The following SMAD2 variants were observed in gnomAD, a reference collection of about 807,000 sequenced individuals.
The protein encoded by SMAD2 is SMAD family member 2, also known as MAD homolog 2.
Under a neutral mutation model 64.4 loss-of-function variants are expected in SMAD2, and 8 were observed. That is an observed-to-expected ratio of 0.12 (90% CI 0.07 to 0.22). The LOEUF is 0.22. SMAD2 is among the 10% of genes least tolerant of loss of function. The pLI is 1.00. For synonymous variants in SMAD2, 203 were observed against 195.8 expected, an observed-to-expected ratio of 1.04 and a Z score of -0.31; for missense variants, 289 against 561.2, an observed-to-expected ratio of 0.51 and a Z score of 4.90.
Position 47,819,508 on chromosome 18 carries a change from T to C in SMAD2, c.*22319A>G, listed in dbSNP as rs1332737385. ...GTTTTTATAAGTAATCTAGGAATAA[T>C]TGTTAAAAATGAATTGGGGGCCAGG... On this transcript the variant is annotated 3_prime_UTR_variant, in exon 11 of 11. Transcript: ENST00000262160. 6.6e-6 allele frequency: 1 copy of C among 152,170 alleles called. No homozygotes were observed. Among genetic ancestry groups the C allele is most frequent in the Non-Finnish European group, 1.5e-5 (1 of 68,048 alleles). The allele number at this position is 152,170 out of a possible 1,614,324, so 9.4% of individuals were successfully genotyped here. A position where few individuals can be genotyped will look rare whatever the true frequency, so the allele number is the denominator to read the frequency against.
In SMAD2 at chr18:47,930,411, C is replaced by G. The variant is rs564076826; in HGVS notation, c.-104G>C. On this transcript the variant is annotated 5_prime_UTR_variant, in exon 1 of 11. Coordinates refer to ENST00000262160, the MANE Select transcript of SMAD2 (RefSeq NM_005901.6). ...CCGTCAGATCCGGGGGGTCCGGGAC[C>G]TTTTGTTCCTTCCTCTTCCGATGGG... The G allele has an allele frequency of 1.8e-4, 28 of 152,320 alleles. No individual in the cohort carries two copies. The highest frequency in any genetic ancestry group is 6.5e-4 in the African/African-American group (27 of 41,536). The allele number at this position is 152,320 out of a possible 1,614,324, so 9.4% of individuals were successfully genotyped here. A position where few individuals can be genotyped will look rare whatever the true frequency, so the allele number is the denominator to read the frequency against.
chr18:47,904,900 C>T (rs1426737450), intron 1 of SMAD2, among the ~76,000 whole-genome samples: 1 of 152,152 alleles, frequency 6.6e-6, no homozygotes, highest in Non-Finnish European at 1.5e-5. Flanking sequence ...CTATGAAAAA[C>T]CTAGAGCTAG....
Position 47,833,837 on chromosome 18 carries a change from G to C in SMAD2, c.*7990C>G, listed in dbSNP as rs924439115. ...TCAAAGGCCATGTATTTCCTCACAA[G>C]AAAAGAAATCTGCAACAATTGGTTT... On this transcript the variant is annotated 3_prime_UTR_variant, in exon 11 of 11. Transcript: ENST00000262160. The C allele has an allele frequency of 3.0e-5, 7 of 230,508 alleles. No individual in the cohort carries two copies. The highest frequency in any genetic ancestry group is 1.5e-4 in the African/African-American group (7 of 45,180). The allele number at this position is 230,508 out of a possible 1,614,324, so 14.3% of individuals were successfully genotyped here. A position where few individuals can be genotyped will look rare whatever the true frequency, so the allele number is the denominator to read the frequency against.
At position 47,816,279 on chromosome 18, in the gene SMAD2, A is replaced by C. The variant is rs1912363494; in HGVS notation, c.*25548T>G. 2 of 152,220 alleles carry C rather than the reference A, an allele frequency of 1.3e-5. No homozygotes were observed. The highest frequency in any genetic ancestry group is 4.8e-5 in the African/African-American group (2 of 41,446). The allele number at this position is 152,220 out of a possible 1,614,324, so 9.4% of individuals were successfully genotyped here. On this transcript the variant is annotated 3_prime_UTR_variant, in exon 11 of 11. Coordinates refer to ENST00000262160, the MANE Select transcript of SMAD2 (RefSeq NM_005901.6). ...AGAAGTTTTAGGTCTTATGAAAAAA[A>C]GATTTTTATAAATTATACACAATTG...
rs1323784686 is a variant in SMAD2 at position 47,818,823 on chromosome 18, A to G, written c.*23004T>C. The stretch of plus-strand genomic sequence containing the variant: ...CCAAAACTTTTGGTTCACAGCTTTC[A>G]TAAGATTACCTATTCTGCATGTTTA... On this transcript the variant is annotated 3_prime_UTR_variant, in exon 11 of 11. Coordinates refer to ENST00000262160, the MANE Select transcript of SMAD2 (RefSeq NM_005901.6). 4 of 152,264 alleles carry G rather than the reference A, an allele frequency of 2.6e-5. No homozygotes were observed. Among genetic ancestry groups the G allele is most frequent in the African/African-American group, 4.8e-5 (2 of 41,472 alleles). 9.4% of individuals were successfully genotyped at this position (152,264 alleles called of 1,614,324 possible). A position where few individuals can be genotyped will look rare whatever the true frequency, so the allele number is the denominator to read the frequency against.
At position 47,868,426 on chromosome 18, in the gene SMAD2, G is replaced by A. The variant is rs144973052; in HGVS notation, c.552C>T (p.Thr184=). 1.8e-5 allele frequency: 29 copies of A among 1,611,190 alleles called. No individual in the cohort carries two copies. The highest frequency in any genetic ancestry group is 6.7e-5 in the African/African-American group (5 of 74,780). ...VLPPVLVPRH[T]EILTELPPLD... is the part of the protein sequence containing the mutation. ...GAGGCGGAAGTTCTGTTAGGATCTC[G>A]GTGTGTCGGGGCACTAATACTGGAG... The change falls in exon 5 of 11, where the codon ACC becomes ACT. Residue 184 remains threonine, a synonymous_variant. Transcript: ENST00000262160.
chr18:47,866,105 T>G (rs1292584372), intron 5 of SMAD2, among the ~76,000 whole-genome samples: 1 of 151,520 alleles, frequency 6.6e-6, no homozygotes, highest in African/African-American at 2.4e-5. Context: ...TCACCTGAGG[T>G]GGGGAGTTCG....
chr18:47,903,056 A>G (rs1457672172), intron 1 of SMAD2, among the ~76,000 whole-genome samples: 11 of 152,148 alleles, frequency 7.2e-5, no homozygotes, highest in Admixed American at 7.2e-4. Context: ...GAGATCCCCT[A>G]AGGAGCTTAA....
At chr18:47,850,216 A>AT (rs1216975479) in intron 7 of SMAD2, among the ~76,000 whole-genome samples, 46 of 69,640 alleles carry the variant, frequency 6.6e-4, no homozygotes, top group Admixed American at 1.5e-3. Flanking sequence ...ATTATTATAT[A>AT]TATGTATAAT....
chr18:47,901,295 T>C (rs2033675359), intron 1 of SMAD2, among the ~76,000 whole-genome samples: 1 of 152,166 alleles, frequency 6.6e-6, no homozygotes, highest in Admixed American at 6.6e-5. Context: ...TGTATTAAAG[T>C]CTCCTTTGCC....
intron 1 of SMAD2, among the ~76,000 whole-genome samples, chr18:47,901,765 C>T (rs2033694962): frequency 6.6e-6 from 1 of 152,078 alleles, no homozygotes; most frequent in South Asian, 2.1e-4. Flanking sequence ...CTCTGCAGAG[C>T]CTTCATTTCA....
chr18:47,823,285 T>A lies in SMAD2; in HGVS notation c.*18542A>T, dbSNP rs1418553637. The stretch of plus-strand genomic sequence containing the variant: ...TTTAAATCTGAGATTACTGTGACCA[T>A]ACTACTATTCTTGCAGACAAAATCT... On this transcript the variant is annotated 3_prime_UTR_variant, in exon 11 of 11. Transcript: ENST00000262160. 6.6e-6 allele frequency: 1 copy of A among 152,214 alleles called. No homozygotes were observed. Among genetic ancestry groups the A allele is most frequent in the African/African-American group, 2.4e-5 (1 of 41,454 alleles). 9.4% of individuals were successfully genotyped at this position (152,214 alleles called of 1,614,324 possible).
rs938732641 is a variant in SMAD2 at position 47,834,522 on chromosome 18, A to G, written c.*7305T>C. Reference sequence around the variant, plus strand: ...CCCACTCGTTCCTTAATATCACTAGAGAAAAGGTAAGAACTTTCAAGGGCA... The same window carrying G: ...CCCACTCGTTCCTTAATATCACTAGGGAAAAGGTAAGAACTTTCAAGGGCA... On this transcript the variant is annotated 3_prime_UTR_variant, in exon 11 of 11. Coordinates refer to ENST00000262160, the MANE Select transcript of SMAD2 (RefSeq NM_005901.6). 10 of 205,374 alleles carry G rather than the reference A, an allele frequency of 4.9e-5. No individual in the cohort carries two copies. The East Asian group carries it at 7.4e-4, about 15-fold the overall frequency. The allele number at this position is 205,374 out of a possible 1,614,324, so 12.7% of individuals were successfully genotyped here.
chr18:47,910,489 G>A (rs1417329170), intron 1 of SMAD2, among the ~76,000 whole-genome samples: 1 of 152,150 alleles, frequency 6.6e-6, no homozygotes, highest in Non-Finnish European at 1.5e-5. Context: ...AAGGAGGACT[G>A]GTACCACACA....
At chr18:47,843,767 G>C (rs1914203667) in intron 10 of SMAD2, among the ~76,000 whole-genome samples, 1 of 152,076 alleles carries the variant, frequency 6.6e-6, no homozygotes, top group Admixed American at 6.6e-5. Flanking sequence ...GCATATTACT[G>C]CTTCTGTAAT....
At chr18:47,886,581 CTAT>C (rs1568084031) in intron 2 of SMAD2, among the ~76,000 whole-genome samples, 1 of 146,812 alleles carries the variant, frequency 6.8e-6, no homozygotes, top group East Asian at 2.0e-4. Flanking sequence ...ATCTATCTAT[CTAT>C]CTATCTATCT....
chr18:47,815,735 A>G lies in SMAD2; in HGVS notation c.*26092T>C, dbSNP rs1465856257. Reference sequence around the variant, plus strand: ...AAGGTTTGTGTGAACTGGTCTCGACACACTTGGCTGTGAATAGCAGGGATA... The same window carrying G: ...AAGGTTTGTGTGAACTGGTCTCGACGCACTTGGCTGTGAATAGCAGGGATA... On this transcript the variant is annotated 3_prime_UTR_variant, in exon 11 of 11. Coordinates refer to ENST00000262160, the MANE Select transcript of SMAD2 (RefSeq NM_005901.6). The G allele has an allele frequency of 6.6e-6, 1 of 152,274 alleles. No individual in the cohort carries two copies. Among genetic ancestry groups the G allele is most frequent in the Non-Finnish European group, 1.5e-5 (1 of 68,068 alleles). The allele number at this position is 152,274 out of a possible 1,614,324, so 9.4% of individuals were successfully genotyped here.
chr18:47,850,415 TATATA>T (rs1249601368), intron 7 of SMAD2, among the ~76,000 whole-genome samples: 228 of 18,680 alleles, frequency 0.012, 44 homozygotes, highest in Admixed American at 0.019. Flanking sequence ...ATGTATAATA[TATATA>T]ATATATTATA....
rs1392966029 is a variant in SMAD2, at chr18:47,822,127, A to G, written c.*19700T>C. 1 of 152,232 alleles carries G rather than the reference A, an allele frequency of 6.6e-6. No individual in the cohort carries two copies. The highest frequency in any genetic ancestry group is 1.9e-4 in the East Asian group (1 of 5,204). The allele number at this position is 152,232 out of a possible 1,614,324, so 9.4% of individuals were successfully genotyped here. ...TTACATTTATGAGTATGTTATTGAT[A>G]TGAGTGTTCCAAAATTGTACGATGC... On this transcript the variant is annotated 3_prime_UTR_variant, in exon 11 of 11. Coordinates refer to ENST00000262160, the MANE Select transcript of SMAD2 (RefSeq NM_005901.6).
Sources: gnomAD v4.1 joint callset for allele counts (sites outside exome capture counted in the v4.1 genomes callset) on GRCh38, gnomAD v4.1.1 for gene constraint, MANE v1.5 for transcripts, NCBI Gene and HGNC (gene_info 2026-07-23, HGNC 2026-07-21) for gene names.